ANKRD44: variants seen among roughly 807,000 people sequenced by gnomAD.
ANKRD44 encodes the protein serine/threonine-protein phosphatase 6 regulatory ankyrin repeat subunit B.
Under a neutral mutation model 116.0 loss-of-function variants are expected in ANKRD44, and 35 were observed. The observed-to-expected ratio is 0.30, with a 90% CI of 0.23 to 0.40. The LOEUF (loss-of-function observed/expected upper bound fraction) is 0.40, where lower values mean the gene tolerates loss of function less well. Among genes scored for constraint, ANKRD44 ranks in the 10% least tolerant of loss-of-function variants. The pLI, the probability that ANKRD44 is intolerant of heterozygous loss-of-function variation, is 1.00. For missense variants in ANKRD44, 1,014 were observed against 1,242.6 expected (o/e 0.82, Z 2.77); for synonymous variants, 435 against 461.8 (o/e 0.94, Z 0.74).
intron 8 of ANKRD44, among the ~76,000 whole-genome samples, chr2:197,120,827 C>A (rs1300435230): frequency 6.6e-6 from 1 of 152,146 alleles, no homozygotes; most frequent in East Asian, 1.9e-4. Context: ...TCCTAGAGAT[C>A]CAGTATTTGT....
At chr2:196,981,407 T>C (rs1366768668) in intron 21 of ANKRD44, among the ~76,000 whole-genome samples, 1 of 152,228 alleles carries the variant, frequency 6.6e-6, no homozygotes, top group African/African-American at 2.4e-5. Context: ...GGATGACTGG[T>C]ATCATTTTAG....
At chr2:196,994,793 G>A (rs1364804671) in intron 26 of ANKRD44, 3 of 152,574 alleles carry the variant, frequency 2.0e-5, no homozygotes, top group African/African-American at 7.2e-5. Flanking sequence ...AAAGTGCTGG[G>A]ATTAAAGGCA....
chr2:197,263,945 T>C (rs2082676599), intron 1 of ANKRD44, among the ~76,000 whole-genome samples: 2 of 64,994 alleles, frequency 3.1e-5, no homozygotes, highest in South Asian at 1.5e-3. Context: ...AACTTCCAGG[T>C]CATGTTCTTA....
chr2:197,177,150 G>A (rs927179329), intron 2 of ANKRD44, among the ~76,000 whole-genome samples: 2 of 152,036 alleles, frequency 1.3e-5, no homozygotes, highest in South Asian at 2.1e-4. Context: ...CTTTTGAAAC[G>A]TAAGAGTTAT....
chr2:196,987,569 A>G lies in ANKRD44; in HGVS notation c.*2022T>C. ...GTTCTTGTTCTAATTTAATAACAAA[A>G]TGATAAACCAAGCAGTGTTTACTGC... On this transcript the variant is annotated 3_prime_UTR_variant, in exon 28 of 28. Transcript: ENST00000282272. 1.0e-6 allele frequency: 1 copy of G among 985,440 alleles called. No individual in the cohort carries two copies. The highest frequency in any genetic ancestry group is 1.2e-6 in the Non-Finnish European group (1 of 829,920). The allele number at this position is 985,440 out of a possible 1,614,324, so 61.0% of individuals were successfully genotyped here.
At chr2:196,984,407 A>T (rs1238877868), downstream of ANKRD44, among the ~76,000 whole-genome samples, 1 of 152,240 alleles carries the variant, frequency 6.6e-6, no homozygotes, top group East Asian at 1.9e-4. Flanking sequence ...TATATTTTAC[A>T]GCAAATGTAC....
intron 2 of ANKRD44, among the ~76,000 whole-genome samples, chr2:197,168,904 A>G (rs1053404175): frequency 1.0e-3 from 159 of 152,120 alleles, no homozygotes; most frequent in African/African-American, 3.7e-3. Flanking sequence ...CCTGACCCCA[A>G]CTATGGTCTT....
chr2:197,084,168 C>A (rs1665036356), intron 13 of ANKRD44, among the ~76,000 whole-genome samples: 1 of 152,050 alleles, frequency 6.6e-6, no homozygotes, highest in South Asian at 2.1e-4. Context: ...AAAACTGGTC[C>A]CAATCTCCTT....
At chr2:197,000,374 G>C in intron 23 of ANKRD44, 45 bp downstream of exon 23, 1 of 1,480,950 alleles carries the variant, frequency 6.8e-7, no homozygotes, top group Non-Finnish European at 9.4e-7. Context: ...CAAAGCAGAG[G>C]GTAAGATTCA....
intron 7 of ANKRD44, among the ~76,000 whole-genome samples, chr2:197,121,904 C>A (rs2125325338): frequency 6.6e-6 from 1 of 152,230 alleles, no homozygotes; most frequent in East Asian, 1.9e-4. Context: ...GATTGGGGCA[C>A]AGAAAACCTC....
rs1290274669 is a variant in ANKRD44 at position 197,147,058 on chromosome 2, A to C, written c.159T>G (p.Asp53Glu). 1.2e-5 allele frequency: 20 copies of C among 1,613,770 alleles called. No individual in the cohort carries two copies. The highest frequency in any genetic ancestry group is 1.6e-5 in the Non-Finnish European group (19 of 1,179,810). The change falls in exon 3 of 28, where the codon GAT becomes GAG. Residue 53 changes from aspartate (D) to glutamate (E), a missense_variant. Transcript: ENST00000282272. ...TPLHVAAFLGDAEIIELLILS... is the reference protein window; with the variant it reads ...TPLHVAAFLGEAEIIELLILS... ...AAATCAGGAGTTCAATGATCTCTGC[A>C]TCTCCCAGAAATGCGGCCACATGAA...
intron 1 of ANKRD44, among the ~76,000 whole-genome samples, chr2:197,217,408 A>G (rs751751084): frequency 7.2e-5 from 11 of 152,326 alleles, no homozygotes; most frequent in African/African-American, 2.2e-4. Context: ...ACATATCCAT[A>G]TTCTTTAATA....
intron 1 of ANKRD44, among the ~76,000 whole-genome samples, chr2:197,234,050 G>A (rs540854385): frequency 2.0e-5 from 3 of 152,248 alleles, no homozygotes; most frequent in Non-Finnish European, 4.4e-5. Context: ...ATTTTTTAAA[G>A]TTTCAAATAA....
In ANKRD44 at chr2:196,995,309, G is replaced by A. The variant is rs13412802; in HGVS notation, c.2831+70C>T. The stretch of plus-strand genomic sequence containing the variant: ...CCCAGAGCTAGTCTGGCACACAGCA[G>A]GCTCTTAATACTTATTGAATAAATG... On this transcript the variant is annotated intron_variant, in intron 26 of 27. Coordinates refer to ENST00000282272, the MANE Select transcript of ANKRD44 (RefSeq NM_001195144.2). The A allele has an allele frequency of 0.012, 13,286 of 1,112,956 alleles. 1,071 individuals are homozygous for A. The African/African-American group carries it at 0.18, about 15-fold the overall frequency. 68.9% of individuals were successfully genotyped at this position (1,112,956 alleles called of 1,614,324 possible). A position where few individuals can be genotyped will look rare whatever the true frequency, so the allele number is the denominator to read the frequency against.
chr2:197,119,669 T>C (rs1332609970), intron 8 of ANKRD44, among the ~76,000 whole-genome samples: 2 of 152,214 alleles, frequency 1.3e-5, no homozygotes, highest in Non-Finnish European at 2.9e-5. Flanking sequence ...GAGAAGGTTA[T>C]TAAAATAGAC....
At chr2:197,261,157 C>G (rs1042355514) in intron 1 of ANKRD44, among the ~76,000 whole-genome samples, 10 of 151,384 alleles carry the variant, frequency 6.6e-5, no homozygotes, top group African/African-American at 1.9e-4. Context: ...TTGCCCATGC[C>G]TATGTCCTGA....
At chr2:196,991,540 G>C (rs1431814057) in intron 27 of ANKRD44, among the ~76,000 whole-genome samples, 2 of 152,290 alleles carry the variant, frequency 1.3e-5, no homozygotes, top group African/African-American at 2.4e-5. Flanking sequence ...GGAAAGCACA[G>C]GTTGTTTGTG....
chr2:197,096,284 C>G (rs572183633), intron 10 of ANKRD44, among the ~76,000 whole-genome samples: 3 of 152,134 alleles, frequency 2.0e-5, no homozygotes, highest in Admixed American at 1.3e-4. Flanking sequence ...CCACTTAGGC[C>G]CTCAACCAAT....
At chr2:197,088,678 C>A in intron 12 of ANKRD44, 33 bp downstream of exon 12, 1 of 1,475,194 alleles carries the variant, frequency 6.8e-7, no homozygotes, top group Non-Finnish European at 9.4e-7. Flanking sequence ...GAATTAGTAA[C>A]TCATAAATTA....
Sources: gnomAD v4.1 joint callset for allele counts (sites outside exome capture counted in the v4.1 genomes callset) on GRCh38, gnomAD v4.1.1 for gene constraint, MANE v1.5 for transcripts, NCBI Gene and HGNC (gene_info 2026-07-23, HGNC 2026-07-21) for gene names.